The following NBPF14 variants were observed in gnomAD, a reference collection of about 807,000 sequenced individuals.
NBPF14 encodes NBPF member 14, also known as NBPF family member NBPF14.
In NBPF14, 104 loss-of-function variants were observed where a neutral mutation model predicts 91.2. The observed-to-expected ratio is 1.14, with a 90% CI of 0.97 to 1.34. The LOEUF (loss-of-function observed/expected upper bound fraction) is 1.34. NBPF14 is among the 40% of genes most tolerant of loss of function. The probability of loss-of-function intolerance (pLI) is 0.00; values close to 1 mark genes in which losing one functional copy is unlikely to be tolerated. For synonymous variants in NBPF14, 294 were observed against 303.8 expected, an observed-to-expected ratio of 0.97 and a Z score of 0.34; for missense variants, 908 against 783.0, an observed-to-expected ratio of 1.16 and a Z score of -1.91.
chr1:148,533,769 A>T, intron 70 of NBPF14, 92 bp downstream of exon 70: 1 of 762,666 alleles, frequency 1.3e-6, no homozygotes, highest in African/African-American at 1.7e-5. Context: ...GCCTTTGTTG[A>T]AAATATGACA....
intron 2 of NBPF14, among the ~76,000 whole-genome samples, chr1:148,594,840 G>C (rs1189223965): frequency 2.3e-5 from 2 of 86,240 alleles, no homozygotes; most frequent in Non-Finnish European, 3.9e-5. Flanking sequence ...GGTGATTACA[G>C]TTGCCCGCCA....
chr1:148,566,542 A>G (rs1164486537), intron 28 of NBPF14, among the ~76,000 whole-genome samples: 5 of 91,014 alleles, frequency 5.5e-5, no homozygotes, highest in South Asian at 7.3e-4. Context: ...CACACACACA[A>G]ACACACACAC....
At chr1:148,560,059 G>C (rs1450492646) in intron 36 of NBPF14, 94 bp from the exon 37 acceptor site, 1 of 682,048 alleles carries the variant, frequency 1.5e-6, no homozygotes, top group Non-Finnish European at 2.6e-6. Flanking sequence ...GGAAGAGTTT[G>C]AAAAGAAAAA....
chr1:148,576,139 G>T, intron 16 of NBPF14, among the ~76,000 whole-genome samples: 1 of 105,720 alleles, frequency 9.5e-6, no homozygotes, highest in Non-Finnish European at 1.8e-5. Context: ...GAAAAGAGTG[G>T]GCTCAATAAT....
chr1:148,576,020 A>C (rs1180583901), intron 16 of NBPF14, among the ~76,000 whole-genome samples: 1 of 147,820 alleles, frequency 6.8e-6, no homozygotes, highest in African/African-American at 2.5e-5. Context: ...GGAGAGAGAG[A>C]GAGAGAGGAG....
intron 2 of NBPF14, among the ~76,000 whole-genome samples, 166 bp from the exon 3 acceptor site, chr1:148,593,866 G>A (rs1393915550): frequency 0.1 from 15,315 of 148,242 alleles, 1,084 homozygotes; most frequent in East Asian, 0.25. Flanking sequence ...TGACTTTCTG[G>A]CATCTGATCC....
intron 68 of NBPF14, among the ~76,000 whole-genome samples, chr1:148,535,203 C>T (rs1654877903): frequency 6.7e-6 from 1 of 149,782 alleles, no homozygotes. Flanking sequence ...TTTCCATAAA[C>T]TTGCTCAAGA....
intron 15 of NBPF14, among the ~76,000 whole-genome samples, chr1:148,576,736 C>G (rs1231728387): frequency 2.1e-5 from 3 of 143,778 alleles, no homozygotes; most frequent in African/African-American, 7.5e-5. Context: ...CATATTTTTC[C>G]AATCGATTTA....
rs1171779385 is a variant in NBPF14 at position 148,539,345 on chromosome 1, C to T, written c.7882+65G>A. 1.7e-5 allele frequency: 9 copies of T among 531,180 alleles called. 2 individuals carry two copies. In the East Asian group the frequency reaches 2.7e-4, roughly 16 times the overall value. 32.9% of individuals were successfully genotyped at this position (531,180 alleles called of 1,614,324 possible). A position where few individuals can be genotyped will look rare whatever the true frequency, so the allele number is the denominator to read the frequency against. ...TCGGGTCAGTAAGGGGCACTTGGAA[C>T]AGGAATATCACCCCTATCTGGAAGA... On this transcript the variant is annotated intron_variant, in intron 63 of 70. Transcript: ENST00000619423.
intron 37 of NBPF14, among the ~76,000 whole-genome samples, chr1:148,559,400 A>T (rs1169653716): frequency 3.0e-5 from 4 of 133,982 alleles, no homozygotes; most frequent in South Asian, 2.5e-4. Context: ...AAACTGCACT[A>T]TTCACCCTGT....
chr1:148,556,722 T>A, exon 41 of NBPF14: 1 of 132,356 alleles, frequency 7.6e-6, no homozygotes, highest in Non-Finnish European at 1.2e-5. Context: ...AACATGTTTT[T>A]CCTCCAATGC....
At chr1:148,592,609 C>G in exon 4 of NBPF14, 2 of 1,565,512 alleles carry the variant, frequency 1.3e-6, no homozygotes, top group South Asian at 2.2e-5. Context: ...GCCAGCTGTT[C>G]TTGGAGGTCC....
At chr1:148,577,633 A>C (rs1429668029) in intron 14 of NBPF14, among the ~76,000 whole-genome samples, 8 of 149,588 alleles carry the variant, frequency 5.3e-5, no homozygotes, top group South Asian at 2.1e-4. Flanking sequence ...CTGATGAGGG[A>C]GTCAAAGGAC....
chr1:148,560,176 A>G (rs1324800660), intron 36 of NBPF14, among the ~76,000 whole-genome samples: 1 of 151,352 alleles, frequency 6.6e-6, no homozygotes, highest in African/African-American at 2.5e-5. Flanking sequence ...AGACAGAGAC[A>G]GAGACAGAGA....
exon 4 of NBPF14, chr1:148,592,582 C>T: frequency 1.3e-6 from 2 of 1,488,288 alleles, no homozygotes; most frequent in Admixed American, 3.4e-5. Flanking sequence ...AGGTGCTGTG[C>T]CAGTCTACAC....
chr1:148,554,406 T>TAA (rs1570929013), intron 43 of NBPF14, 46 bp from the exon 44 acceptor site: 33 of 159,142 alleles, frequency 2.1e-4, no homozygotes, highest in South Asian at 6.4e-4. Context: ...CTGGTTCTCC[T>TAA]ACACACATAA....
At chr1:148,558,091 T>C (rs1657005585) in intron 39 of NBPF14, among the ~76,000 whole-genome samples, 161 bp downstream of exon 39, 1 of 17,182 alleles carries the variant, frequency 5.8e-5, no homozygotes, top group Non-Finnish European at 9.5e-5. Context: ...ATGTCTAGGC[T>C]TCCAACTGAG....
chr1:148,580,862 ATT>A (rs1207826390), intron 12 of NBPF14, among the ~76,000 whole-genome samples: 60 of 108,708 alleles, frequency 5.5e-4, no homozygotes, highest in African/African-American at 2.0e-3. Context: ...ATATATATAT[ATT>A]TTTTTTTTAA....
At chr1:148,590,040 CTTTT>C (rs1196401979) in intron 6 of NBPF14, among the ~76,000 whole-genome samples, 3 of 76,334 alleles carry the variant, frequency 3.9e-5, no homozygotes, top group South Asian at 4.2e-4. Flanking sequence ...CAGAGACTTA[CTTTT>C]TTTTTTTTTT....
Sources: allele counts gnomAD v4.1 joint callset (sites outside exome capture counted in the v4.1 genomes callset), GRCh38; gene constraint gnomAD v4.1.1; transcripts MANE v1.5; gene names NCBI Gene and HGNC (gene_info 2026-07-23, HGNC 2026-07-21).